Variants in ATRNL1 observed in about 807,000 individuals in gnomAD.
ATRNL1 encodes the protein attractin like 1.
In ATRNL1, 95 loss-of-function variants were observed where a neutral mutation model predicts 182.7. The ratio of observed to expected loss-of-function variants is 0.52; its 90% CI spans 0.44 to 0.62. ATRNL1 has a LOEUF of 0.62. Ranked by LOEUF, ATRNL1 falls within the 20% of genes least tolerant of loss-of-function variation. The pLI, the probability that ATRNL1 is intolerant of heterozygous loss-of-function variation, is 0.00. For missense variants in ATRNL1, 1,471 were observed against 1,679.5 expected, an observed-to-expected ratio of 0.88 and a Z score of 2.17; for synonymous variants, 576 against 568.3, an observed-to-expected ratio of 1.01 and a Z score of -0.19.
At chr10:115,134,286 T>C (rs1269187888) in intron 5 of ATRNL1, among the ~76,000 whole-genome samples, 4 of 151,718 alleles carry the variant, frequency 2.6e-5, no homozygotes, top group Non-Finnish European at 5.9e-5. Flanking sequence ...TGATAGACCA[T>C]TAGCAAGACT....
At chr10:115,931,666 C>T (rs1337520210) in intron 28 of ATRNL1, among the ~76,000 whole-genome samples, 2 of 152,218 alleles carry the variant, frequency 1.3e-5, no homozygotes, top group African/African-American at 4.8e-5. Flanking sequence ...AAGTAGACAG[C>T]ATCCAAAGTG....
chr10:115,162,157 A>C (rs1846818929), intron 6 of ATRNL1, among the ~76,000 whole-genome samples: 1 of 152,054 alleles, frequency 6.6e-6, no homozygotes, highest in African/African-American at 2.4e-5. Context: ...ACAAAAAAAA[A>C]ACACTATTAC....
chr10:115,776,412 G>A (rs1182639622), intron 27 of ATRNL1, among the ~76,000 whole-genome samples: 1 of 152,094 alleles, frequency 6.6e-6, no homozygotes, highest in Non-Finnish European at 1.5e-5. Flanking sequence ...ACCTCTTTTG[G>A]TAGATTAAAG....
At chr10:115,666,915 G>T (rs1216727327) in intron 26 of ATRNL1, among the ~76,000 whole-genome samples, 2 of 152,116 alleles carry the variant, frequency 1.3e-5, no homozygotes, top group African/African-American at 4.8e-5. Flanking sequence ...CAACACTAAA[G>T]ATAGTCAAAT....
chr10:115,368,553 T>C (rs1857204607), intron 19 of ATRNL1, among the ~76,000 whole-genome samples: 1 of 152,134 alleles, frequency 6.6e-6, no homozygotes, highest in Admixed American at 6.5e-5. Flanking sequence ...CGCAGTACAT[T>C]GTTTTTAGCT....
chr10:115,897,763 G>T (rs868933137), intron 28 of ATRNL1, among the ~76,000 whole-genome samples: 5 of 152,140 alleles, frequency 3.3e-5, no homozygotes, highest in Non-Finnish European at 7.4e-5. Context: ...AAATGTAAAA[G>T]AAAACACAGT....
At chr10:115,575,979 G>C (rs782354776) in intron 26 of ATRNL1, among the ~76,000 whole-genome samples, 10 of 152,136 alleles carry the variant, frequency 6.6e-5, no homozygotes, top group Non-Finnish European at 1.2e-4. Context: ...ATCACATATA[G>C]ATGAGATCAT....
Position 115,144,725 on chromosome 10 carries a change from G to T in ATRNL1, c.829+15190G>T, listed in dbSNP as rs962116537. ...TTATAAATTTCATTATTTATACAAAGAGATTATTTGCCCTTGTCTGAGTCT... is the reference window on the plus strand; with the variant it reads ...TTATAAATTTCATTATTTATACAAATAGATTATTTGCCCTTGTCTGAGTCT... On this transcript the variant is annotated intron_variant, in intron 5 of 28. Coordinates refer to ENST00000355044, the MANE Select transcript of ATRNL1 (RefSeq NM_207303.4). Among the ~76,000 whole-genome samples, 84 of 152,298 alleles carry T rather than the reference G, an allele frequency of 5.5e-4. 1 individual carries two copies. Among genetic ancestry groups the T allele is most frequent in the Non-Finnish European group, 6.5e-4 (44 of 68,028 alleles).
chr10:115,662,237 A>G (rs373448298), intron 26 of ATRNL1, among the ~76,000 whole-genome samples: 1 of 152,086 alleles, frequency 6.6e-6, no homozygotes, highest in Non-Finnish European at 1.5e-5. Flanking sequence ...CGCAATAAAC[A>G]TATGTGTGCA....
chr10:115,433,827 A>G (rs1846275240), intron 21 of ATRNL1, among the ~76,000 whole-genome samples: 1 of 152,210 alleles, frequency 6.6e-6, no homozygotes, highest in South Asian at 2.1e-4. Flanking sequence ...TATTATTTTC[A>G]TGTAAAATCA....
At chr10:115,526,901 A>C (rs1336987115) in intron 25 of ATRNL1, among the ~76,000 whole-genome samples, 1 of 152,120 alleles carries the variant, frequency 6.6e-6, no homozygotes, top group Non-Finnish European at 1.5e-5. Flanking sequence ...AATGTTTAAC[A>C]CCAGTGGTGT....
intron 26 of ATRNL1, among the ~76,000 whole-genome samples, chr10:115,611,179 A>C (rs1555018913): frequency 6.6e-6 from 1 of 152,068 alleles, no homozygotes; most frequent in Non-Finnish European, 1.5e-5. Context: ...TTGAGTTGTT[A>C]AACAAGCAGA....
chr10:115,897,995 A>G (rs1228961213), intron 28 of ATRNL1, among the ~76,000 whole-genome samples: 3 of 151,634 alleles, frequency 2.0e-5, no homozygotes, highest in Admixed American at 2.0e-4. Flanking sequence ...GTGTGGTCTC[A>G]GCTCACTGCA....
chr10:115,453,990 C>A (rs1342465358), intron 21 of ATRNL1, among the ~76,000 whole-genome samples: 1 of 151,948 alleles, frequency 6.6e-6, no homozygotes, highest in Non-Finnish European at 1.5e-5. Context: ...GTGAAGTTCT[C>A]TGTTGATAAG....
chr10:115,591,626 T>C (rs1447052835), intron 26 of ATRNL1, among the ~76,000 whole-genome samples: 32 of 152,206 alleles, frequency 2.1e-4, no homozygotes, highest in Admixed American at 1.8e-3. Flanking sequence ...ACATGAAATA[T>C]TCGTGGAGCA....
At chr10:115,259,062 G>C (rs1183166467) in intron 10 of ATRNL1, among the ~76,000 whole-genome samples, 5 of 152,174 alleles carry the variant, frequency 3.3e-5, no homozygotes, top group South Asian at 2.1e-4. Context: ...TGCCAGTTAG[G>C]CTACACGGGG....
chr10:115,507,689 A>G (rs1850183261), intron 24 of ATRNL1, among the ~76,000 whole-genome samples: 1 of 152,122 alleles, frequency 6.6e-6, no homozygotes, highest in South Asian at 2.1e-4. Flanking sequence ...AAAAGTAATT[A>G]GCACAGTGCC....
At chr10:115,794,767 TTTC>T (rs1368211683) in intron 27 of ATRNL1, among the ~76,000 whole-genome samples, 1 of 152,172 alleles carries the variant, frequency 6.6e-6, no homozygotes, top group Non-Finnish European at 1.5e-5. Flanking sequence ...AAGGTAGTGT[TTTC>T]TTCAATATAA....
At chr10:115,218,526 G>T (rs1849319264) in intron 9 of ATRNL1, among the ~76,000 whole-genome samples, 1 of 152,160 alleles carries the variant, frequency 6.6e-6, no homozygotes, top group Non-Finnish European at 1.5e-5. Flanking sequence ...CCAGTTTGGG[G>T]TCTTTTTGAA....
Sources: allele counts gnomAD v4.1 joint callset (sites outside exome capture counted in the v4.1 genomes callset), GRCh38; gene constraint gnomAD v4.1.1; transcripts MANE v1.5; gene names NCBI Gene and HGNC (gene_info 2026-07-23, HGNC 2026-07-21).